MGAT4C: variants seen among roughly 807,000 people sequenced by gnomAD.
MGAT4C encodes MGAT4 family member C.
Under a neutral mutation model 40.1 loss-of-function variants are expected in MGAT4C, and 19 were observed. The ratio of observed to expected loss-of-function variants is 0.47; its 90% CI spans 0.33 to 0.70. The LOEUF is 0.70. Among genes scored for constraint, MGAT4C ranks in the 30% least tolerant of loss-of-function variants. The pLI is 0.02. For synonymous variants in MGAT4C, 181 were observed against 187.1 expected, an observed-to-expected ratio of 0.97 and a Z score of 0.27; for missense variants, 491 against 563.2, an observed-to-expected ratio of 0.87 and a Z score of 1.30.
In MGAT4C at chr12:85,983,595, C is replaced by T. The variant is rs1884869371; in HGVS notation, c.223G>A (p.Asp75Asn). ...ATGGCTCCTGAGAAATTAGATAAAT[C>T]CTTGAAAGTATGAACATAGCGTTCT... ...NSERYVHTFK[D>N]LSNFSGAINV... is the part of the protein sequence containing the mutation. The change falls in exon 4 of 5, where the codon GAT becomes AAT. Residue 75 changes from aspartate to asparagine, a missense_variant. Coordinates refer to ENST00000611864, the MANE Select transcript of MGAT4C (RefSeq NM_001351288.2). 6.3e-7 allele frequency: 1 copy of T among 1,596,232 alleles called. No homozygotes were observed. Among genetic ancestry groups the T allele is most frequent in the Non-Finnish European group, 8.5e-7 (1 of 1,171,594 alleles).
At chr12:86,448,660 G>C (rs886860235) in intron 2 of MGAT4C, among the ~76,000 whole-genome samples, 1 of 152,068 alleles carries the variant, frequency 6.6e-6, no homozygotes, top group Non-Finnish European at 1.5e-5. Context: ...TTATTAAAAT[G>C]AATCTCAGCA....
intron 2 of MGAT4C, among the ~76,000 whole-genome samples, chr12:86,682,058 G>T (rs1476808529): frequency 1.3e-5 from 2 of 151,968 alleles, no homozygotes; most frequent in Non-Finnish European, 2.9e-5. Context: ...ATTGTGAACA[G>T]ATTTTTGCAT....
intron 4 of MGAT4C, among the ~76,000 whole-genome samples, chr12:86,282,550 T>C (rs1237937444): frequency 6.6e-6 from 1 of 152,064 alleles, no homozygotes; most frequent in Admixed American, 6.6e-5. Flanking sequence ...AATCCTGGTA[T>C]ACCAGTCATA....
chr12:86,638,922 A>G (rs184561706), intron 2 of MGAT4C, among the ~76,000 whole-genome samples: 197 of 151,932 alleles, frequency 1.3e-3, no homozygotes, highest in African/African-American at 4.5e-3. Flanking sequence ...CAAGTTCTTC[A>G]TAGTAAACTT....
intron 2 of MGAT4C, chr12:86,002,627 AC>A (rs1341912202): frequency 6.7e-6 from 1 of 150,332 alleles, no homozygotes; most frequent in Non-Finnish European, 1.5e-5. Context: ...TATATTTTAT[AC>A]ATATAGGTAT....
At chr12:86,659,533 T>C (rs548873012) in intron 2 of MGAT4C, among the ~76,000 whole-genome samples, 64 of 152,192 alleles carry the variant, frequency 4.2e-4, no homozygotes, top group Non-Finnish European at 4.9e-4. Flanking sequence ...AAGTTTAATA[T>C]ATAGAAACAT....
Position 86,711,133 on chromosome 12 carries a change from G to A in MGAT4C, c.-229+16076C>T, listed in dbSNP as rs186325710. Among the ~76,000 whole-genome samples the A allele has an allele frequency of 1.1e-3, 162 of 151,954 alleles. 2 individuals carry two copies. Among genetic ancestry groups the A allele is most frequent in the African/African-American group, 3.7e-3 (154 of 41,454 alleles). On this transcript the variant is annotated intron_variant, in intron 2 of 7. Transcript: ENST00000548651. ...ACACCAAAATCTCAGAAATCACCAC[G>A]AAAGAACATCCATGTGTCCAAAACC... is the stretch of plus-strand genomic sequence containing the variant.
At chr12:86,296,950 A>C (rs1227512694) in intron 4 of MGAT4C, among the ~76,000 whole-genome samples, 1 of 152,232 alleles carries the variant, frequency 6.6e-6, no homozygotes. Flanking sequence ...GCACGCTGTC[A>C]CCTCTCAGTA....
intron 4 of MGAT4C, among the ~76,000 whole-genome samples, chr12:86,279,139 CT>C (rs1953151547): frequency 6.6e-6 from 1 of 151,718 alleles, no homozygotes; most frequent in Non-Finnish European, 1.5e-5. Flanking sequence ...GTGTCTTTGT[CT>C]GATTTTGGTA....
At chr12:86,111,261 TG>T in intron 1 of MGAT4C, among the ~76,000 whole-genome samples, 1 of 151,814 alleles carries the variant, frequency 6.6e-6, no homozygotes, top group East Asian at 1.9e-4. Flanking sequence ...AAAATGAGGA[TG>T]GGAATTTGTG....
At chr12:86,184,198 A>G (rs1888452097) in intron 1 of MGAT4C, among the ~76,000 whole-genome samples, 1 of 152,016 alleles carries the variant, frequency 6.6e-6, no homozygotes, top group Admixed American at 6.6e-5. Flanking sequence ...AATTAAAACA[A>G]GTTTTTGGTC....
At chr12:85,990,679 T>C (rs1278643771) in intron 2 of MGAT4C, among the ~76,000 whole-genome samples, 1 of 152,176 alleles carries the variant, frequency 6.6e-6, no homozygotes, top group African/African-American at 2.4e-5. Flanking sequence ...AGACTTAATA[T>C]ATGACTTAAT....
intron 1 of MGAT4C, among the ~76,000 whole-genome samples, chr12:86,058,947 T>C (rs1201476332): frequency 6.6e-6 from 1 of 152,196 alleles, no homozygotes; most frequent in Non-Finnish European, 1.5e-5. Context: ...TATAAGTAGA[T>C]TTAAAGAATA....
chr12:86,753,438 A>T (rs1200761936), intron 1 of MGAT4C, among the ~76,000 whole-genome samples: 1 of 152,118 alleles, frequency 6.6e-6, no homozygotes, highest in African/African-American at 2.4e-5. Context: ...CTGTTAATAA[A>T]TATGTGGGTA....
Position 85,980,189 on chromosome 12 carries a change from G to C in MGAT4C, c.537C>G (p.Tyr179Ter). 1 of 1,613,810 alleles carries C rather than the reference G, an allele frequency of 6.2e-7. No individual in the cohort carries two copies. Among genetic ancestry groups the C allele is most frequent in the Non-Finnish European group, 8.5e-7 (1 of 1,179,870 alleles). Residue 179 changes from tyrosine to a stop codon, truncating the protein, a stop_gained, in exon 5 of 5, where the codon TAC becomes TAG. Transcript: ENST00000611864. LOFTEE classifies it high-confidence loss of function. ...LMVIHAPEEY[Y>*]PILDGLKRNY... ...TTCTTTTAAGGCCATCTAGGATTGG[G>C]TAATACTCCTCTGGAGCATGTATAA...
At chr12:86,384,481 C>A (rs931771967) in intron 3 of MGAT4C, among the ~76,000 whole-genome samples, 5 of 152,092 alleles carry the variant, frequency 3.3e-5, no homozygotes, top group African/African-American at 4.8e-5. Flanking sequence ...ATGATCCCAG[C>A]CCCAGTAAGG....
At chr12:86,519,262 T>A (rs1450756446) in intron 2 of MGAT4C, among the ~76,000 whole-genome samples, 2 of 152,190 alleles carry the variant, frequency 1.3e-5, no homozygotes, top group Admixed American at 1.3e-4. Context: ...TGAATAACAT[T>A]CCATTGTGTA....
chr12:85,995,212 G>T (rs1886471302), intron 2 of MGAT4C, among the ~76,000 whole-genome samples: 1 of 152,152 alleles, frequency 6.6e-6, no homozygotes. Flanking sequence ...GTTTCCAAAA[G>T]GCAGTACAGG....
intron 3 of MGAT4C, among the ~76,000 whole-genome samples, chr12:86,394,410 T>A (rs1245380653): frequency 6.6e-6 from 1 of 150,398 alleles, no homozygotes; most frequent in South Asian, 2.1e-4. Context: ...TTGATATTAG[T>A]CCACTGAATA....
Sources: gnomAD v4.1 joint callset for allele counts (sites outside exome capture counted in the v4.1 genomes callset) on GRCh38, gnomAD v4.1.1 for gene constraint, MANE v1.5 for transcripts, NCBI Gene and HGNC (gene_info 2026-07-23, HGNC 2026-07-21) for gene names.